SOX5: variants seen among roughly 807,000 people sequenced by gnomAD.
The protein encoded by SOX5 is SRY-box transcription factor 5, also known as transcription factor SOX-5.
A neutral mutation model predicts 92.0 loss-of-function variants in SOX5; 9 were observed. That is an observed-to-expected ratio of 0.10 (90% CI 0.06 to 0.17). The LOEUF (loss-of-function observed/expected upper bound fraction) is 0.17, where lower values mean the gene tolerates loss of function less well. SOX5 is among the 10% of genes least tolerant of loss of function. The probability of loss-of-function intolerance (pLI) is 1.00; values close to 1 mark genes in which losing one functional copy is unlikely to be tolerated. For missense variants in SOX5, 642 were observed against 944.5 expected, an observed-to-expected ratio of 0.68 and a Z score of 4.20; for synonymous variants, 344 against 336.3, an observed-to-expected ratio of 1.02 and a Z score of -0.25.
intron 3 of SOX5, among the ~76,000 whole-genome samples, chr12:23,790,673 A>C (rs955386201): frequency 2.6e-5 from 4 of 152,084 alleles, no homozygotes; most frequent in African/African-American, 9.7e-5. Context: ...AAATTAATCC[A>C]GAATCATTCT....
At chr12:24,013,163 CA>C (rs1267449797) in intron 4 of SOX5, among the ~76,000 whole-genome samples, 36 of 152,090 alleles carry the variant, frequency 2.4e-4, no homozygotes, top group African/African-American at 8.0e-4. Context: ...AAGCTTAGAG[CA>C]GGAATTGTAT....
intron 1 of SOX5, among the ~76,000 whole-genome samples, chr12:24,437,686 CTCA>C (rs1252503865): frequency 1.3e-5 from 2 of 152,166 alleles, no homozygotes; most frequent in Admixed American, 1.3e-4. Flanking sequence ...TGAAAAAAAG[CTCA>C]TCATCACTGG....
intron 1 of SOX5, among the ~76,000 whole-genome samples, chr12:24,432,947 C>T (rs931945077): frequency 5.9e-4 from 90 of 152,212 alleles, no homozygotes; most frequent in Admixed American, 1.7e-3. Flanking sequence ...ATGCATGTAA[C>T]GGTGGCTATT....
chr12:23,816,220 T>G (rs556002103), intron 3 of SOX5, among the ~76,000 whole-genome samples: 16,090 of 151,060 alleles, frequency 0.11, 1,072 homozygotes, highest in Non-Finnish European at 0.15. Context: ...TTTTTTTTTT[T>G]TTTTTGTTGG....
intron 1 of SOX5, among the ~76,000 whole-genome samples, chr12:24,485,431 T>C (rs1256773232): frequency 1.3e-5 from 2 of 152,204 alleles, no homozygotes; most frequent in Non-Finnish European, 2.9e-5. Flanking sequence ...GAAAAACGAA[T>C]TGTTCAAGAG....
At chr12:24,350,415 G>C (rs566950536) in intron 2 of SOX5, among the ~76,000 whole-genome samples, 41 of 152,160 alleles carry the variant, frequency 2.7e-4, no homozygotes, top group Non-Finnish European at 2.6e-4. Flanking sequence ...CACGATCACA[G>C]CTCACTGCAA....
chr12:24,538,815 T>C (rs1233635425), intron 1 of SOX5, among the ~76,000 whole-genome samples: 1 of 152,202 alleles, frequency 6.6e-6, no homozygotes, highest in Admixed American at 6.5e-5. Context: ...AGCAGTACTA[T>C]GACATATTTA....
intron 2 of SOX5, among the ~76,000 whole-genome samples, chr12:23,884,979 G>A (rs887208535): frequency 6.6e-6 from 1 of 152,126 alleles, no homozygotes; most frequent in Non-Finnish European, 1.5e-5. Flanking sequence ...TATTCAACAA[G>A]GCTTTCAACA....
chr12:24,475,253 A>G (rs1190815589), intron 1 of SOX5, among the ~76,000 whole-genome samples: 1 of 152,262 alleles, frequency 6.6e-6, no homozygotes, highest in Non-Finnish European at 1.5e-5. Context: ...TCAAGAAATT[A>G]TCAAGTTAAT....
intron 3 of SOX5, among the ~76,000 whole-genome samples, chr12:24,264,115 G>A (rs1942669930): frequency 6.6e-6 from 1 of 152,118 alleles, no homozygotes; most frequent in Non-Finnish European, 1.5e-5. Context: ...ACATAAGGGA[G>A]AGGTGAGGGA....
intron 4 of SOX5, among the ~76,000 whole-genome samples, chr12:24,051,949 A>G (rs1592698239): frequency 6.6e-6 from 1 of 152,274 alleles, no homozygotes; most frequent in East Asian, 1.9e-4. Context: ...TATCCATTTA[A>G]TTTCCAAGTC....
Position 24,254,568 on chromosome 12 carries a change from G to C in SOX5, c.-77+22648C>G, listed in dbSNP as rs1030740891. On this transcript the variant is annotated intron_variant, in intron 3 of 4. Transcript: ENST00000446891. ...TATTTCATGTAATTTATTGAAAATT[G>C]TACTGAAAGTGAAGAACAGAAGGTA... 2.0e-5 allele frequency among the ~76,000 whole-genome samples: 3 copies of C among 151,696 alleles called. No homozygotes were observed. In the South Asian group the frequency reaches 6.2e-4, roughly 31 times the overall value.
chr12:24,424,652 C>T (rs1259449162), intron 1 of SOX5, among the ~76,000 whole-genome samples: 2 of 152,274 alleles, frequency 1.3e-5, no homozygotes, highest in South Asian at 2.1e-4. Context: ...CTTCCCAACA[C>T]TATAGTTTCC....
At chr12:24,506,784 C>CTTT (rs386375924) in intron 1 of SOX5, among the ~76,000 whole-genome samples, 22,358 of 81,082 alleles carry the variant, frequency 0.28, 3,870 homozygotes, top group East Asian at 0.7. Flanking sequence ...TCCAAATGGT[C>CTTT]TTTTTTTTTT....
At chr12:24,251,278 C>G (rs1409208349) in intron 3 of SOX5, among the ~76,000 whole-genome samples, 1 of 152,106 alleles carries the variant, frequency 6.6e-6, no homozygotes, top group Non-Finnish European at 1.5e-5. Context: ...TAGGGTTTGT[C>G]TAATTAACTG....
chr12:24,081,185 G>A (rs971174515), intron 4 of SOX5, among the ~76,000 whole-genome samples: 3 of 151,888 alleles, frequency 2.0e-5, no homozygotes, highest in Admixed American at 1.3e-4. Context: ...CAGAGCTCGC[G>A]CTGCCATATA....
intron 13 of SOX5, among the ~76,000 whole-genome samples, chr12:23,542,828 A>C (rs1402667138): frequency 1.3e-5 from 2 of 152,226 alleles, no homozygotes; most frequent in African/African-American, 2.4e-5. Flanking sequence ...TGAGAGAGGA[A>C]GGAGGCCTTA....
At chr12:23,763,614 T>C (rs533996704) in intron 3 of SOX5, among the ~76,000 whole-genome samples, 1 of 152,158 alleles carries the variant, frequency 6.6e-6, no homozygotes, top group Admixed American at 6.6e-5. Flanking sequence ...AAAACGCCCG[T>C]AAACAGCACA....
At chr12:24,551,296 C>T (rs1456561932) in intron 1 of SOX5, among the ~76,000 whole-genome samples, 1 of 152,124 alleles carries the variant, frequency 6.6e-6, no homozygotes, top group Non-Finnish European at 1.5e-5. Context: ...GGTGGATTTT[C>T]ATAACAGTAA....
Sources: gnomAD v4.1 joint callset for allele counts (sites outside exome capture counted in the v4.1 genomes callset) on GRCh38, gnomAD v4.1.1 for gene constraint, MANE v1.5 for transcripts, NCBI Gene and HGNC (gene_info 2026-07-23, HGNC 2026-07-21) for gene names.